The following TMOD1 variants were observed in gnomAD, a reference collection of about 807,000 sequenced individuals.
The protein encoded by TMOD1 is tropomodulin-1.
In TMOD1, 17 loss-of-function variants were observed where a neutral mutation model predicts 40.6. That is an observed-to-expected ratio of 0.42 (90% CI 0.29 to 0.63). The LOEUF is 0.63. TMOD1 is among the 20% of genes least tolerant of loss of function. The pLI is 0.22. For synonymous variants in TMOD1, 181 were observed against 175.0 expected (o/e 1.03, Z -0.27); for missense variants, 391 against 447.6 (o/e 0.87, Z 1.14).
chr9:97,558,626 TAG>T (rs1333789099), intron 4 of TMOD1, among the ~76,000 whole-genome samples: 1 of 152,146 alleles, frequency 6.6e-6, no homozygotes, highest in African/African-American at 2.4e-5. Context: ...GTATTTTTAG[TAG>T]AGACGGGGTT....
At chr9:97,565,286 C>T (rs1432575920) in intron 6 of TMOD1, among the ~76,000 whole-genome samples, 1 of 152,160 alleles carries the variant, frequency 6.6e-6, no homozygotes, top group Non-Finnish European at 1.5e-5. Flanking sequence ...CAGGCCTGAC[C>T]CTAGAGATTC....
In TMOD1 at chr9:97,513,041, C is replaced by T. The variant is rs927735590; in HGVS notation, c.-48-11100C>T. Reference sequence around the variant, plus strand: ...TAAAACCAAGCAAGACTGTCATTGCCCTTACTTTGGCACTACACTTTTATT... The same window carrying T: ...TAAAACCAAGCAAGACTGTCATTGCTCTTACTTTGGCACTACACTTTTATT... On this transcript the variant is annotated intron_variant, in intron 1 of 9. Transcript: ENST00000259365. The surrounding 1 kb of genome is among the most constrained non-coding windows in gnomAD (Gnocchi z 4.1). The T allele has an allele frequency of 6.6e-6, 1 of 152,202 alleles. No individual in the cohort carries two copies. The allele number at this position is 152,202 out of a possible 1,614,324, so 9.4% of individuals were successfully genotyped here.
At chr9:97,565,112 G>A (rs2131267049) in intron 6 of TMOD1, among the ~76,000 whole-genome samples, 1 of 152,338 alleles carries the variant, frequency 6.6e-6, no homozygotes, top group South Asian at 2.1e-4. Flanking sequence ...AATTCAGAAT[G>A]CTGCCCACTG....
chr9:97,591,468 A>T, intron 9 of TMOD1, 33 bp downstream of exon 9: 1 of 1,607,242 alleles, frequency 6.2e-7, no homozygotes, highest in South Asian at 1.1e-5. Flanking sequence ...CCCTGCCCGC[A>T]GTCCTGTTAT....
At chr9:97,553,020 G>T (rs1454331741) in intron 3 of TMOD1, among the ~76,000 whole-genome samples, 1 of 151,908 alleles carries the variant, frequency 6.6e-6, no homozygotes, top group Non-Finnish European at 1.5e-5. Flanking sequence ...CAGATTGTTT[G>T]GTCATGACCA....
At chr9:97,511,108 A>ACACACACACACACG (rs1554752913) in intron 1 of TMOD1, among the ~76,000 whole-genome samples, 104 of 149,812 alleles carry the variant, frequency 6.9e-4, no homozygotes, top group East Asian at 4.9e-3. Context: ...ACACACACAC[A>ACACACACACACACG]CACAGGCTTT....
chr9:97,548,798 GTCA>G (rs1298995943), intron 3 of TMOD1, among the ~76,000 whole-genome samples: 7 of 152,090 alleles, frequency 4.6e-5, no homozygotes, highest in Admixed American at 2.6e-4. Flanking sequence ...CATCATCATC[GTCA>G]TCATCATCAT....
chr9:97,567,620 G>C (rs1830748561), intron 7 of TMOD1, among the ~76,000 whole-genome samples: 1 of 152,188 alleles, frequency 6.6e-6, no homozygotes, highest in African/African-American at 2.4e-5. Context: ...GATTAAGCCA[G>C]GCCAGGCCTT....
chr9:97,562,458 A>C (rs1563991562), intron 4 of TMOD1, among the ~76,000 whole-genome samples: 1 of 152,194 alleles, frequency 6.6e-6, no homozygotes. Context: ...CTGTCACTGG[A>C]AAGAGCCATT....
intron 8 of TMOD1, among the ~76,000 whole-genome samples, chr9:97,590,609 T>C (rs1334510843): frequency 6.6e-6 from 1 of 151,854 alleles, no homozygotes; most frequent in Non-Finnish European, 1.5e-5. Flanking sequence ...CCCAACATTG[T>C]TGGGTCTTTC....
chr9:97,570,107 A>G (rs766908359), intron 8 of TMOD1, among the ~76,000 whole-genome samples: 5 of 152,240 alleles, frequency 3.3e-5, no homozygotes, highest in African/African-American at 7.2e-5. Flanking sequence ...CATGGCAAAC[A>G]TACAGAAAAG....
chr9:97,561,906 T>C (rs1226754931), intron 4 of TMOD1, among the ~76,000 whole-genome samples: 3 of 152,208 alleles, frequency 2.0e-5, no homozygotes, highest in African/African-American at 4.8e-5. Flanking sequence ...GTTCCTCTTT[T>C]ATGCTGTCTT....
rs547370188 is a variant in TMOD1 at position 97,527,027 on chromosome 9, G to C, written c.120+2719G>C. ...CTTCCCCTGCCTGCCAGGAGAAGAT[G>C]GTTTCCTGATGAGGCTGCTCAAGTT... is the stretch of plus-strand genomic sequence containing the variant. On this transcript the variant is annotated intron_variant, in intron 2 of 9. Transcript: ENST00000259365. Among the ~76,000 whole-genome samples, 21 of 152,186 alleles carry C rather than the reference G, an allele frequency of 1.4e-4. 1 individual carries two copies. The South Asian group carries it at 3.5e-3, about 26-fold the overall frequency.
chr9:97,522,016 T>A (rs1271108840), intron 1 of TMOD1, among the ~76,000 whole-genome samples: 9 of 152,224 alleles, frequency 5.9e-5, no homozygotes, highest in Admixed American at 5.9e-4. Context: ...AATTCCATCA[T>A]CATTTCACAG....
intron 8 of TMOD1, among the ~76,000 whole-genome samples, chr9:97,579,928 T>C (rs1003991838): frequency 1.3e-5 from 2 of 152,196 alleles, no homozygotes; most frequent in African/African-American, 4.8e-5. Flanking sequence ...ACAGGGAGGC[T>C]AAAAGCATTC....
intron 7 of TMOD1, among the ~76,000 whole-genome samples, chr9:97,568,284 G>C (rs1159469333): frequency 1.3e-5 from 2 of 152,128 alleles, no homozygotes; most frequent in Non-Finnish European, 2.9e-5. Context: ...GGCCAACATG[G>C]GATAGATAGG....
chr9:97,551,230 G>A (rs1331701693), intron 3 of TMOD1, among the ~76,000 whole-genome samples: 2 of 151,806 alleles, frequency 1.3e-5, no homozygotes, highest in African/African-American at 4.8e-5. Flanking sequence ...TGCCATGTTG[G>A]CTAGGCTGGT....
intron 8 of TMOD1, among the ~76,000 whole-genome samples, chr9:97,588,287 A>ATCTT (rs1161981251): frequency 6.6e-6 from 1 of 152,174 alleles, no homozygotes; most frequent in African/African-American, 2.4e-5. Flanking sequence ...TATTATAGTC[A>ATCTT]TCTTGGTATG....
intron 1 of TMOD1, among the ~76,000 whole-genome samples, chr9:97,503,062 C>A (rs1829531461): frequency 6.6e-6 from 1 of 152,206 alleles, no homozygotes; most frequent in Non-Finnish European, 1.5e-5. Flanking sequence ...AGAACCAGAC[C>A]CTGAACCCAG....
Sources: gnomAD v4.1 joint callset for allele counts (sites outside exome capture counted in the v4.1 genomes callset) on GRCh38, gnomAD v4.1.1 for gene constraint, Gnocchi (gnomAD v3.1) non-coding constraint, MANE v1.5 for transcripts, NCBI Gene and HGNC (gene_info 2026-07-23, HGNC 2026-07-21) for gene names.